The following BMAL2 variants were observed in gnomAD, a reference collection of about 807,000 sequenced individuals.
The protein encoded by BMAL2 is basic helix-loop-helix ARNT-like protein 2.
chr12:27,418,246 C>G, the BMAL2 span: 58 of 1,200,416 alleles, frequency 4.8e-5, no homozygotes, highest in Non-Finnish European at 6.2e-5. Flanking sequence ...CAAAACCCCC[C>G]TCTTAATCAC....
the BMAL2 span, chr12:27,402,609 T>G: frequency 1.2e-6 from 2 of 1,608,322 alleles, no homozygotes; most frequent in Non-Finnish European, 1.7e-6. Flanking sequence ...TATGGTGTTT[T>G]TAATTCTAGG....
At chr12:27,377,116 C>T in the BMAL2 span, among the ~76,000 whole-genome samples, 1 of 151,942 alleles carries the variant, frequency 6.6e-6, no homozygotes, top group East Asian at 1.9e-4. Flanking sequence ...GCAACATCGC[C>T]TATCAGAGTT....
At chr12:27,412,651 C>A in the BMAL2 span, among the ~76,000 whole-genome samples, 1 of 151,724 alleles carries the variant, frequency 6.6e-6, no homozygotes, top group Admixed American at 6.6e-5. Flanking sequence ...GTGTGTGTCC[C>A]AGAAGGATAG....
At chr12:27,413,070 A>G in the BMAL2 span, among the ~76,000 whole-genome samples, 226 of 152,224 alleles carry the variant, frequency 1.5e-3, 4 homozygotes, top group Non-Finnish European at 3.8e-4. Context: ...AAGGTAGATA[A>G]GGACTTTTCC....
chr12:27,376,963 T>C, the BMAL2 span, among the ~76,000 whole-genome samples: 1 of 128,038 alleles, frequency 7.8e-6, no homozygotes, highest in Non-Finnish European at 1.5e-5. Flanking sequence ...ATCGCGCCAC[T>C]GCACTCCAGC....
chr12:27,374,679 T>C, the BMAL2 span, among the ~76,000 whole-genome samples: 3 of 152,212 alleles, frequency 2.0e-5, no homozygotes, highest in Admixed American at 1.3e-4. Context: ...TTAATTTTAT[T>C]TGTACCAACC....
chr12:27,405,028 C>T, the BMAL2 span, among the ~76,000 whole-genome samples: 2 of 152,208 alleles, frequency 1.3e-5, no homozygotes, highest in Non-Finnish European at 2.9e-5. Context: ...GATCAAACTG[C>T]AAGGCGGCAG....
At chr12:27,358,259 G>A in the BMAL2 span, among the ~76,000 whole-genome samples, 10 of 152,072 alleles carry the variant, frequency 6.6e-5, no homozygotes, top group Non-Finnish European at 1.3e-4. Context: ...CTCAAAAGAA[G>A]ATATACAAAT....
chr12:27,359,712 G>C, the BMAL2 span, among the ~76,000 whole-genome samples: 1 of 152,006 alleles, frequency 6.6e-6, no homozygotes, highest in Non-Finnish European at 1.5e-5. Context: ...TCTGTGTCAG[G>C]CACTGTGCCA....
chr12:27,355,321 T>G, the BMAL2 span, among the ~76,000 whole-genome samples: 2 of 152,172 alleles, frequency 1.3e-5, no homozygotes, highest in Non-Finnish European at 2.9e-5. Context: ...CAAACAGTGC[T>G]CCATAGACCC....
chr12:27,382,670 A>G, the BMAL2 span, among the ~76,000 whole-genome samples: 1 of 152,206 alleles, frequency 6.6e-6, no homozygotes, highest in Non-Finnish European at 1.5e-5. Context: ...ATTCCAGGGT[A>G]TTGTCACAGC....
the BMAL2 span, among the ~76,000 whole-genome samples, chr12:27,337,427 C>T: frequency 1.3e-5 from 2 of 152,102 alleles, no homozygotes; most frequent in Non-Finnish European, 2.9e-5. Flanking sequence ...CCACCTTTGC[C>T]CCTGTGATAT....
chr12:27,349,671 A>G, the BMAL2 span, among the ~76,000 whole-genome samples: 1 of 152,210 alleles, frequency 6.6e-6, no homozygotes, highest in East Asian at 1.9e-4. Flanking sequence ...TAATTAATGT[A>G]CTACTGAATA....
At chr12:27,359,116 C>T in the BMAL2 span, among the ~76,000 whole-genome samples, 1 of 152,284 alleles carries the variant, frequency 6.6e-6, no homozygotes, top group Middle Eastern at 3.4e-3. Flanking sequence ...CCACACAGTG[C>T]CTTTTTTCCA....
the BMAL2 span, among the ~76,000 whole-genome samples, chr12:27,409,902 AAAAC>A: frequency 7.9e-5 from 12 of 152,330 alleles, no homozygotes; most frequent in East Asian, 3.9e-4. Flanking sequence ...TTACAAGAAA[AAAAC>A]AAACAACCCC....
chr12:27,333,054 C>G, the BMAL2 span: 3 of 1,200,258 alleles, frequency 2.5e-6, no homozygotes, highest in Non-Finnish European at 3.1e-6. Context: ...GCTGCGGAGC[C>G]GACCAAGTGG....
At chr12:27,378,514 G>A in the BMAL2 span, among the ~76,000 whole-genome samples, 1 of 152,220 alleles carries the variant, frequency 6.6e-6, no homozygotes, top group Non-Finnish European at 1.5e-5. Flanking sequence ...TATGGCATGT[G>A]TGAGGATGAG....
chr12:27,387,447 T>A, the BMAL2 span: 1 of 659,450 alleles, frequency 1.5e-6, no homozygotes, highest in Non-Finnish European at 2.6e-6. Flanking sequence ...AAGTTAGAAC[T>A]CCAAGAGAGA....
At chr12:27,421,390 A>T in the BMAL2 span, 1 of 152,168 alleles carries the variant, frequency 6.6e-6, no homozygotes, top group Non-Finnish European at 1.5e-5. Context: ...TACTAAAAAT[A>T]CAAAAAAAAT....
Sources: allele counts gnomAD v4.1 joint callset (sites outside exome capture counted in the v4.1 genomes callset), GRCh38; gene constraint gnomAD v4.1.1; transcripts MANE v1.5; gene names NCBI Gene and HGNC (gene_info 2026-07-23, HGNC 2026-07-21).